Variants in LEPR observed in about 807,000 individuals in gnomAD.
LEPR encodes the protein OB receptor.
Under a neutral mutation model 114.7 loss-of-function variants are expected in LEPR, and 56 were observed. That is an observed-to-expected ratio of 0.49 (90% CI 0.39 to 0.61). The LOEUF (loss-of-function observed/expected upper bound fraction) is 0.61. Ranked by LOEUF, LEPR falls within the 20% of genes least tolerant of loss-of-function variation. LEPR has a pLI of 0.00. For missense variants in LEPR, 1,202 were observed against 1,352.9 expected, an observed-to-expected ratio of 0.89 and a Z score of 1.75; for synonymous variants, 443 against 461.4, an observed-to-expected ratio of 0.96 and a Z score of 0.51.
At chr1:65,604,265 A>G (rs1323464154) in intron 10 of LEPR, among the ~76,000 whole-genome samples, 1 of 152,188 alleles carries the variant, frequency 6.6e-6, no homozygotes, top group African/African-American at 2.4e-5. Context: ...GGAAAAATTA[A>G]AAAATGCCTT....
chr1:65,574,410 A>C (rs988703462), intron 5 of LEPR, among the ~76,000 whole-genome samples: 2 of 152,208 alleles, frequency 1.3e-5, no homozygotes, highest in Admixed American at 6.5e-5. Flanking sequence ...TAATAAAAAA[A>C]ATTTAAATTT....
intron 2 of LEPR, among the ~76,000 whole-genome samples, chr1:65,535,713 T>G (rs1557645969): frequency 6.6e-6 from 1 of 152,060 alleles, no homozygotes; most frequent in Non-Finnish European, 1.5e-5. Flanking sequence ...AAAACAGTAA[T>G]TTAGGTAAGT....
chr1:65,502,661 G>T (rs2100528127), intron 2 of LEPR, among the ~76,000 whole-genome samples: 1 of 152,170 alleles, frequency 6.6e-6, no homozygotes, highest in South Asian at 2.1e-4. Flanking sequence ...ATAGAAAGTT[G>T]CAATTTTATA....
At position 65,444,035 on chromosome 1, in the gene LEPR, C is replaced by T. The variant is rs937818551; in HGVS notation, c.-21+18657C>T. 3.6e-4 allele frequency among the ~76,000 whole-genome samples: 12 copies of T among 33,120 alleles called. 3 individuals are homozygous for T. Among genetic ancestry groups the T allele is most frequent in the Non-Finnish European group, 1.1e-3 (12 of 11,338 alleles). 21.7% of individuals were successfully genotyped at this position (33,120 alleles called of 152,430 possible). On this transcript the variant is annotated intron_variant, in intron 2 of 19. Coordinates refer to ENST00000349533, the MANE Select transcript of LEPR (RefSeq NM_002303.6). ...GGTTAGTTACATATGTATACATGTG[C>T]CATGCTGGTGCGCTGCACCCACTAA...
At chr1:65,463,042 T>C (rs1343904988) in intron 2 of LEPR, among the ~76,000 whole-genome samples, 3 of 152,244 alleles carry the variant, frequency 2.0e-5, no homozygotes, top group African/African-American at 7.2e-5. Context: ...GCTATTGCTT[T>C]TGGTGTTTTA....
chr1:65,424,222 T>C (rs1646313254), intron 1 of LEPR, among the ~76,000 whole-genome samples: 1 of 152,234 alleles, frequency 6.6e-6, no homozygotes, highest in Admixed American at 6.5e-5. Flanking sequence ...GGAATACATA[T>C]TTTATTCAGT....
In LEPR at chr1:65,487,888, TCTTTC is replaced by T. The variant is rs888941525; in HGVS notation, c.-21+62515_-21+62519del. Among the ~76,000 whole-genome samples the T allele has an allele frequency of 6.1e-4, 93 of 151,502 alleles. 1 individual carries two copies. The highest frequency in any genetic ancestry group is 2.0e-3 in the African/African-American group (81 of 41,036). ...ATTCCACTCTTTTTCTTTCTTTCTT[TCTTTC>T]CTTTTCTTTCTTTCTTTTTTCGTCT... On this transcript the variant is annotated intron_variant, in intron 2 of 19. Coordinates refer to ENST00000349533, the MANE Select transcript of LEPR (RefSeq NM_002303.6).
At chr1:65,500,998 C>T (rs1185089252) in intron 2 of LEPR, among the ~76,000 whole-genome samples, 1 of 152,118 alleles carries the variant, frequency 6.6e-6, no homozygotes, top group Non-Finnish European at 1.5e-5. Flanking sequence ...GTATAATGCT[C>T]AAATCAGTGG....
At chr1:65,470,621 G>A (rs1220077079) in intron 2 of LEPR, among the ~76,000 whole-genome samples, 1 of 152,134 alleles carries the variant, frequency 6.6e-6, no homozygotes, top group African/African-American at 2.4e-5. Context: ...TGATTTTAGT[G>A]GGATGATGTA....
chr1:65,434,856 T>C (rs1371175918), intron 2 of LEPR: 8 of 985,388 alleles, frequency 8.1e-6, no homozygotes, highest in Non-Finnish European at 4.8e-6. Context: ...TAGTCAGTTC[T>C]CTAAGTACAG....
chr1:65,432,074 G>T, intron 2 of LEPR: 1 of 1,346,756 alleles, frequency 7.4e-7, no homozygotes, highest in South Asian at 1.9e-5. Context: ...ATAAGTAGGA[G>T]ATGAGTTTTA....
At chr1:65,435,158 C>A in intron 2 of LEPR, 1 of 985,352 alleles carries the variant, frequency 1.0e-6, no homozygotes, top group Non-Finnish European at 1.2e-6. Flanking sequence ...AGGAGGAGTT[C>A]TGAGCTGGTC....
rs5774756 is a variant in LEPR, at chr1:65,511,429, T to TACAC, written c.-20-54078_-20-54075dup. Among the ~76,000 whole-genome samples, 278 of 147,696 alleles carry TACAC rather than the reference T, an allele frequency of 1.9e-3. 1 individual carries two copies. The highest frequency in any genetic ancestry group is 5.5e-3 in the African/African-American group (221 of 40,316). ...GCTCTAGTGTTCATATATATATGTA[T>TACAC]ACACACACACACACACACACACACA... On this transcript the variant is annotated intron_variant, in intron 2 of 19. Transcript: ENST00000349533.
chr1:65,632,570 C>T (rs1658567433), intron 19 of LEPR, among the ~76,000 whole-genome samples: 1 of 152,046 alleles, frequency 6.6e-6, no homozygotes, highest in South Asian at 2.1e-4. Flanking sequence ...TCAGGGTCCT[C>T]CCTCTACTCT....
At chr1:65,527,472 G>T (rs528460614) in intron 2 of LEPR, among the ~76,000 whole-genome samples, 1 of 152,320 alleles carries the variant, frequency 6.6e-6, no homozygotes, top group East Asian at 1.9e-4. Context: ...ATGTCGGGTT[G>T]TTTTAGCAGA....
Position 65,504,394 on chromosome 1 carries a change from C to G in LEPR, c.-20-61152C>G, listed in dbSNP as rs534103567. On this transcript the variant is annotated intron_variant, in intron 2 of 19. Transcript: ENST00000349533. ...GGGTGAAACCTGATAAACACTACCT[C>G]AGCCAGGTGATCAAGGTCAATATTA... Among the ~76,000 whole-genome samples, 3 of 152,286 alleles carry G rather than the reference C, an allele frequency of 2.0e-5. No homozygotes were observed. In the South Asian group the frequency reaches 6.2e-4, roughly 32 times the overall value.
intron 2 of LEPR, among the ~76,000 whole-genome samples, chr1:65,465,601 ATCTG>A (rs1647001052): frequency 6.6e-6 from 1 of 152,138 alleles, no homozygotes; most frequent in African/African-American, 2.4e-5. Flanking sequence ...TTTCTCGTTG[ATCTG>A]TCTAATATTG....
intron 2 of LEPR, among the ~76,000 whole-genome samples, chr1:65,459,870 G>A (rs1646922809): frequency 6.6e-6 from 1 of 152,034 alleles, no homozygotes; most frequent in Admixed American, 6.5e-5. Context: ...CAGAACCTTT[G>A]CCCTTGCTAT....
intron 2 of LEPR, among the ~76,000 whole-genome samples, chr1:65,533,449 C>T (rs956612452): frequency 4.6e-5 from 7 of 152,048 alleles, no homozygotes; most frequent in African/African-American, 1.2e-4. Flanking sequence ...TAGCAAGACT[C>T]GTTTTAAATC....
Sources: allele counts gnomAD v4.1 joint callset (sites outside exome capture counted in the v4.1 genomes callset), GRCh38; gene constraint gnomAD v4.1.1; transcripts MANE v1.5; gene names NCBI Gene and HGNC (gene_info 2026-07-23, HGNC 2026-07-21).